The following SNX9 variants were observed in gnomAD, a reference collection of about 807,000 sequenced individuals.
SNX9 encodes sorting nexin 9, also known as sorting nexin-9.
Under a neutral mutation model 89.4 loss-of-function variants are expected in SNX9, and 44 were observed. That is an observed-to-expected ratio of 0.49 (90% CI 0.39 to 0.63). The LOEUF (loss-of-function observed/expected upper bound fraction) is 0.63, where lower values mean the gene tolerates loss of function less well. Among genes scored for constraint, SNX9 ranks in the 30% least tolerant of loss-of-function variants. The pLI, the probability that SNX9 is intolerant of heterozygous loss-of-function variation, is 0.00. For missense variants in SNX9, 578 were observed against 736.1 expected, an observed-to-expected ratio of 0.79 and a Z score of 2.49; for synonymous variants, 236 against 247.8, an observed-to-expected ratio of 0.95 and a Z score of 0.45.
At position 157,943,424 on chromosome 6, in the gene SNX9, G is replaced by A; in HGVS notation, c.*586G>A. The stretch of plus-strand genomic sequence containing the variant: ...GAGGGAGGACGCTGGGGGCCCCTGG[G>A]GCTGCTAGTGCCATCGTGGTGTGTG... On this transcript the variant is annotated 3_prime_UTR_variant, in exon 18 of 18. Transcript: ENST00000392185. 1 of 152,344 alleles carries A rather than the reference G, an allele frequency of 6.6e-6. No individual in the cohort carries two copies. Among genetic ancestry groups the A allele is most frequent in the East Asian group, 1.9e-4 (1 of 5,200 alleles). The allele number at this position is 152,344 out of a possible 1,614,324, so 9.4% of individuals were successfully genotyped here.
At chr6:157,841,443 GGAGA>G (rs1482366128) in intron 1 of SNX9, among the ~76,000 whole-genome samples, 1 of 152,062 alleles carries the variant, frequency 6.6e-6, no homozygotes, top group African/African-American at 2.4e-5. Context: ...AATTGTGAAG[GGAGA>G]GAGAGAGATT....
rs778682052 is a variant in SNX9, at chr6:157,936,075, TG to T, written c.1443+36del. On this transcript the variant is annotated intron_variant, in intron 14 of 17. Transcript: ENST00000392185. ...TAATCACACAATTCCAATTAAGATTTGTTGCTATCTAGTCCACATATTTAAT... is the reference window on the plus strand; with the variant it reads ...TAATCACACAATTCCAATTAAGATTTTTGCTATCTAGTCCACATATTTAAT... The T allele has an allele frequency of 5.9e-6, 9 of 1,525,922 alleles. No individual in the cohort carries two copies. The African/African-American group carries it at 8.3e-5, about 14-fold the overall frequency. The allele number at this position is 1,525,922 out of a possible 1,614,324, so 94.5% of individuals were successfully genotyped here.
chr6:157,873,306 A>G, intron 3 of SNX9, 130 bp downstream of exon 3: 1 of 521,510 alleles, frequency 1.9e-6, no homozygotes, highest in South Asian at 5.2e-5. Flanking sequence ...ATAAATGTTA[A>G]CTATATAAAA....
intron 5 of SNX9, among the ~76,000 whole-genome samples, chr6:157,898,655 T>G (rs1293584293): frequency 6.6e-6 from 1 of 152,194 alleles, no homozygotes; most frequent in Non-Finnish European, 1.5e-5. Context: ...TGGGAAATAA[T>G]TTGGGAATTA....
intron 1 of SNX9, among the ~76,000 whole-genome samples, chr6:157,845,763 G>T (rs1220222098): frequency 6.6e-6 from 1 of 152,190 alleles, no homozygotes; most frequent in African/African-American, 2.4e-5. Flanking sequence ...TCATAGTTTT[G>T]AGATTTATGG....
At chr6:157,864,350 A>G (rs1393600577) in intron 1 of SNX9, among the ~76,000 whole-genome samples, 1 of 152,174 alleles carries the variant, frequency 6.6e-6, no homozygotes. Flanking sequence ...TTGGGGGTTC[A>G]GTTTCAACAT....
At chr6:157,906,460 C>T (rs548691987) in intron 7 of SNX9, among the ~76,000 whole-genome samples, 2 of 152,238 alleles carry the variant, frequency 1.3e-5, no homozygotes, top group South Asian at 4.2e-4. Flanking sequence ...CTATTTTGAT[C>T]ATTTTTTTCT....
At position 157,823,304 on chromosome 6, in the gene SNX9, A is replaced by C; in HGVS notation, c.-131A>C. ...GCGTCGAGACTCGGGGCCGAGGCGG[A>C]GGAGCGGCCGCCGCGCCGGGGCCCA... On this transcript the variant is annotated 5_prime_UTR_variant, in exon 1 of 18. Transcript: ENST00000392185. The surrounding 1 kb of genome is among the most constrained non-coding windows in gnomAD (Gnocchi z 4.6). The C allele has an allele frequency of 1.4e-6, 1 of 731,024 alleles. No homozygotes were observed. Among genetic ancestry groups the C allele is most frequent in the Non-Finnish European group, 1.8e-6 (1 of 559,442 alleles). 45.3% of individuals were successfully genotyped at this position (731,024 alleles called of 1,614,324 possible). A position where few individuals can be genotyped will look rare whatever the true frequency, so the allele number is the denominator to read the frequency against.
At chr6:157,894,112 T>TTTTTTC (rs1331276849) in intron 4 of SNX9, among the ~76,000 whole-genome samples, 3 of 137,738 alleles carry the variant, frequency 2.2e-5, no homozygotes, top group Non-Finnish European at 4.7e-5. Flanking sequence ...TTTTCTTTTT[T>TTTTTTC]TTTTTTTTTT....
intron 1 of SNX9, among the ~76,000 whole-genome samples, chr6:157,842,904 T>C (rs1301717277): frequency 6.6e-6 from 1 of 152,238 alleles, no homozygotes; most frequent in Non-Finnish European, 1.5e-5. Context: ...AAAGGCAGAC[T>C]GGACCCCAGA....
chr6:157,847,231 T>A (rs1218535242), intron 1 of SNX9, among the ~76,000 whole-genome samples: 1 of 152,120 alleles, frequency 6.6e-6, no homozygotes, highest in Admixed American at 6.6e-5. Flanking sequence ...GCCTCCAAGT[T>A]AGCTGAGACC....
intron 1 of SNX9, among the ~76,000 whole-genome samples, chr6:157,847,758 A>G (rs1781832732): frequency 1.3e-5 from 2 of 152,134 alleles, no homozygotes; most frequent in African/African-American, 4.8e-5. Context: ...ATTTTTCAGT[A>G]TATTTTACTT....
intron 1 of SNX9, among the ~76,000 whole-genome samples, chr6:157,864,730 G>C (rs1160416500): frequency 6.6e-6 from 1 of 152,144 alleles, no homozygotes; most frequent in African/African-American, 2.4e-5. Context: ...TTGATGCAAT[G>C]TGTTTTTAAA....
At chr6:157,875,519 G>A (rs2062196400) in intron 4 of SNX9, among the ~76,000 whole-genome samples, 1 of 152,180 alleles carries the variant, frequency 6.6e-6, no homozygotes. Flanking sequence ...TTGTTGAGGA[G>A]GTCAGTGTCA....
chr6:157,936,029 G>A lies in SNX9; in HGVS notation c.1432G>A (p.Val478Met), dbSNP rs746922093. The A allele has an allele frequency of 4.3e-6, 7 of 1,611,192 alleles. No homozygotes were observed. The highest frequency in any genetic ancestry group is 5.1e-6 in the Non-Finnish European group (6 of 1,178,304). The change falls in exon 14 of 18, where the codon GTG (valine) becomes ATG (methionine). Residue 478 changes from valine (V) to methionine (M), a missense_variant. Val to Met is a conservative substitution (Grantham distance 21). Around this residue, in one of 2 missense-constraint regions of SNX9, gnomAD observed 348 missense variants for 491.4 expected, o/e 0.71. Coordinates refer to ENST00000392185, the MANE Select transcript of SNX9 (RefSeq NM_016224.5). ...GACTTATGAAGAAATTGCCAGTCTC[G>A]TGGCAGAACAGGTACTAACATAATC... is the stretch of plus-strand genomic sequence containing the variant. ...GKTYEEIASL[V>M]AEQPKKDLHF...
chr6:157,846,940 G>A (rs1420460645), intron 1 of SNX9, among the ~76,000 whole-genome samples: 1 of 152,138 alleles, frequency 6.6e-6, no homozygotes, highest in Non-Finnish European at 1.5e-5. Context: ...CCAGCTACTT[G>A]GGAGGCTGAG....
At chr6:157,844,743 G>A (rs561608285) in intron 1 of SNX9, among the ~76,000 whole-genome samples, 65 of 151,792 alleles carry the variant, frequency 4.3e-4, no homozygotes, top group African/African-American at 1.4e-3. Context: ...ATAGGCACCC[G>A]CCACCACGCC....
chr6:157,916,460 C>T (rs76235058), intron 9 of SNX9, among the ~76,000 whole-genome samples: 1,831 of 152,316 alleles, frequency 0.012, 41 homozygotes, highest in African/African-American at 0.042. Flanking sequence ...TTCCTGTATG[C>T]TCTTGAGTAG....
intron 7 of SNX9, among the ~76,000 whole-genome samples, chr6:157,908,575 T>C (rs1332455448): frequency 6.6e-6 from 1 of 152,198 alleles, no homozygotes; most frequent in Non-Finnish European, 1.5e-5. Context: ...TATTGGTGAC[T>C]CAGGTAGTGA....
Sources: gnomAD v4.1 joint callset for allele counts (sites outside exome capture counted in the v4.1 genomes callset) on GRCh38, gnomAD v4.1.1 for gene constraint, gnomAD v4.1.1 regional missense constraint, Gnocchi (gnomAD v3.1) non-coding constraint, MANE v1.5 for transcripts, NCBI Gene and HGNC (gene_info 2026-07-23, HGNC 2026-07-21) for gene names.